Variants in GPC6 observed in about 807,000 individuals in gnomAD.
GPC6 encodes glypican 6.
Under a neutral mutation model 55.2 loss-of-function variants are expected in GPC6, and 14 were observed. That is an observed-to-expected ratio of 0.25 (90% CI 0.17 to 0.40). The LOEUF (loss-of-function observed/expected upper bound fraction) is 0.40. GPC6 is among the 10% of genes least tolerant of loss of function. The probability of loss-of-function intolerance (pLI) is 1.00; values close to 1 mark genes in which losing one functional copy is unlikely to be tolerated. For missense variants in GPC6, 641 were observed against 708.5 expected (o/e 0.90, Z 1.08); for synonymous variants, 278 against 259.6 (o/e 1.07, Z -0.68).
At chr13:94,309,796 CAG>C (rs2139116396) in intron 6 of GPC6, among the ~76,000 whole-genome samples, 1 of 151,884 alleles carries the variant, frequency 6.6e-6, no homozygotes, top group South Asian at 2.1e-4. Flanking sequence ...ATTCAGTTAA[CAG>C]AGTCATCCTA....
intron 2 of GPC6, among the ~76,000 whole-genome samples, chr13:93,601,008 T>C (rs1242376084): frequency 4.7e-5 from 7 of 148,442 alleles, no homozygotes; most frequent in Non-Finnish European, 1.0e-4. Context: ...CATCCACCTA[T>C]CTGACCTGAC....
intron 2 of GPC6, among the ~76,000 whole-genome samples, chr13:93,824,268 T>C (rs1777727027): frequency 6.6e-6 from 1 of 152,218 alleles, no homozygotes; most frequent in African/African-American, 2.4e-5. Flanking sequence ...AAAACAATAC[T>C]TGAGCAAAGC....
At position 93,415,831 on chromosome 13, in the gene GPC6, C is replaced by T. The variant is rs547345813; in HGVS notation, c.161-129432C>T. On this transcript the variant is annotated intron_variant, in intron 1 of 8. Transcript: ENST00000377047. ...TCTTTTTCCAACTTTTCTATTGGTA[C>T]GTGCATCTTTTTTATTGACGTGTTA... Among the ~76,000 whole-genome samples, 190 of 151,998 alleles carry T rather than the reference C, an allele frequency of 1.3e-3. 2 individuals are homozygous for T. Among genetic ancestry groups the T allele is most frequent in the African/African-American group, 4.4e-3 (183 of 41,474 alleles).
intron 4 of GPC6, among the ~76,000 whole-genome samples, chr13:94,171,047 T>C (rs549289686): frequency 7.9e-5 from 12 of 152,360 alleles, no homozygotes; most frequent in African/African-American, 2.9e-4. Flanking sequence ...TTAATTTAGC[T>C]GAGTGTTATT....
chr13:93,580,010 T>C (rs909139489), intron 2 of GPC6, among the ~76,000 whole-genome samples: 11 of 152,208 alleles, frequency 7.2e-5, no homozygotes, highest in African/African-American at 2.2e-4. Flanking sequence ...TATTTCTCAT[T>C]CCTTGTATGT....
chr13:93,428,262 G>T (rs1437091947), intron 1 of GPC6, among the ~76,000 whole-genome samples: 1 of 152,084 alleles, frequency 6.6e-6, no homozygotes, highest in Non-Finnish European at 1.5e-5. Flanking sequence ...GAGACTTTAC[G>T]AACTAGTGTA....
chr13:93,957,075 A>T (rs1310412088), intron 3 of GPC6, among the ~76,000 whole-genome samples: 1 of 152,204 alleles, frequency 6.6e-6, no homozygotes, highest in Admixed American at 6.5e-5. Flanking sequence ...GCCCTCAAGC[A>T]TTAAGTATTG....
At chr13:93,322,684 C>T (rs1419052962) in intron 1 of GPC6, among the ~76,000 whole-genome samples, 1 of 151,922 alleles carries the variant, frequency 6.6e-6, no homozygotes, top group African/African-American at 2.4e-5. Flanking sequence ...AGGTGATCCG[C>T]CCGCCTCAGC....
At chr13:93,808,502 T>A (rs2138947629) in intron 2 of GPC6, among the ~76,000 whole-genome samples, 1 of 152,352 alleles carries the variant, frequency 6.6e-6, no homozygotes, top group Non-Finnish European at 1.5e-5. Flanking sequence ...GTCTTCCAAA[T>A]AATCTGTTGG....
intron 2 of GPC6, among the ~76,000 whole-genome samples, chr13:93,668,218 A>C (rs1451250457): frequency 1.3e-5 from 2 of 152,184 alleles, no homozygotes; most frequent in African/African-American, 2.4e-5. Flanking sequence ...TTACAAGTTA[A>C]TTTTATTCTT....
intron 1 of GPC6, among the ~76,000 whole-genome samples, chr13:93,411,659 T>C (rs974535863): frequency 1.3e-5 from 2 of 152,132 alleles, no homozygotes; most frequent in African/African-American, 4.8e-5. Flanking sequence ...ATCTTCTCTG[T>C]ATAAAGAAAA....
At chr13:93,586,246 G>C (rs1386924309) in intron 2 of GPC6, among the ~76,000 whole-genome samples, 1 of 152,132 alleles carries the variant, frequency 6.6e-6, no homozygotes, top group Non-Finnish European at 1.5e-5. Context: ...GTTTGCTAAA[G>C]ATAATGGCCT....
chr13:94,393,061 A>T (rs912694754), intron 7 of GPC6, among the ~76,000 whole-genome samples: 8 of 152,214 alleles, frequency 5.3e-5, no homozygotes, highest in Non-Finnish European at 8.8e-5. Flanking sequence ...AATTATAGCC[A>T]TCCTAATATG....
intron 4 of GPC6, among the ~76,000 whole-genome samples, chr13:94,094,665 T>G (rs1447927591): frequency 2.0e-5 from 3 of 152,158 alleles, no homozygotes; most frequent in Non-Finnish European, 4.4e-5. Context: ...GCTTTATGAT[T>G]GTATTGTAAT....
intron 2 of GPC6, among the ~76,000 whole-genome samples, chr13:93,573,292 G>C (rs1376066671): frequency 1.3e-5 from 2 of 151,958 alleles, no homozygotes; most frequent in Non-Finnish European, 2.9e-5. Flanking sequence ...GAAAGGGAAT[G>C]TGGTGCCAAG....
intron 2 of GPC6, among the ~76,000 whole-genome samples, chr13:93,686,960 T>C (rs1201058006): frequency 6.6e-6 from 1 of 152,156 alleles, no homozygotes; most frequent in Middle Eastern, 3.4e-3. Flanking sequence ...CCATTGCCGA[T>C]TTTAAAGCCT....
At chr13:94,088,372 G>A (rs2138807720) in intron 4 of GPC6, among the ~76,000 whole-genome samples, 1 of 152,104 alleles carries the variant, frequency 6.6e-6, no homozygotes, top group East Asian at 1.9e-4. Context: ...TTTTAAGGAT[G>A]TTCATAGAAA....
intron 3 of GPC6, among the ~76,000 whole-genome samples, chr13:93,951,239 GC>G (rs1429777576): frequency 6.6e-6 from 1 of 152,038 alleles, no homozygotes; most frequent in Admixed American, 6.6e-5. Context: ...GTTACTTCCT[GC>G]TTGATGCCTT....
At chr13:93,597,615 T>TTC (rs1877820216) in intron 2 of GPC6, among the ~76,000 whole-genome samples, 1 of 152,164 alleles carries the variant, frequency 6.6e-6, no homozygotes. Context: ...CAACCCCCTC[T>TTC]TCTTGCCTCT....
Sources: gnomAD v4.1 joint callset for allele counts (sites outside exome capture counted in the v4.1 genomes callset) on GRCh38, gnomAD v4.1.1 for gene constraint, MANE v1.5 for transcripts, NCBI Gene and HGNC (gene_info 2026-07-23, HGNC 2026-07-21) for gene names.